CPXM2: variants seen among roughly 807,000 people sequenced by gnomAD.
The protein encoded by CPXM2 is carboxypeptidase X, M14 family member 2, also known as inactive carboxypeptidase-like protein X2.
Under a neutral mutation model 86.1 loss-of-function variants are expected in CPXM2, and 66 were observed. That is an observed-to-expected ratio of 0.77 (90% CI 0.63 to 0.94). The LOEUF (loss-of-function observed/expected upper bound fraction) is 0.94, where lower values mean the gene tolerates loss of function less well. Ranked by LOEUF, CPXM2 falls within the 40% of genes least tolerant of loss-of-function variation. The pLI is 0.00. For synonymous variants in CPXM2, 388 were observed against 400.2 expected (o/e 0.97, Z 0.36); for missense variants, 948 against 1,026.3 (o/e 0.92, Z 1.04).
intron 7 of CPXM2, among the ~76,000 whole-genome samples, chr10:123,773,582 A>T (rs1846708789): frequency 6.6e-6 from 1 of 152,164 alleles, no homozygotes; most frequent in Non-Finnish European, 1.5e-5. Flanking sequence ...TCATAATTTA[A>T]TGAGCATCTA....
chr10:123,799,950 T>C (rs1054826364), intron 4 of CPXM2, among the ~76,000 whole-genome samples: 5 of 151,934 alleles, frequency 3.3e-5, no homozygotes, highest in African/African-American at 1.2e-4. Context: ...TTGAACAATA[T>C]AGGAAAGTCT....
At chr10:123,852,307 G>C (rs1413763463) in intron 3 of CPXM2, among the ~76,000 whole-genome samples, 2 of 151,988 alleles carry the variant, frequency 1.3e-5, no homozygotes, top group Non-Finnish European at 1.5e-5. Flanking sequence ...AGGTTAAAAA[G>C]CATGCCCGAC....
intron 4 of CPXM2, among the ~76,000 whole-genome samples, chr10:123,834,386 A>G (rs1202199550): frequency 6.6e-6 from 1 of 152,228 alleles, no homozygotes; most frequent in Non-Finnish European, 1.5e-5. Flanking sequence ...GCTCCCCAGG[A>G]GCAACGTCAG....
At chr10:123,794,532 C>T (rs1847282017) in intron 6 of CPXM2, among the ~76,000 whole-genome samples, 6 of 152,150 alleles carry the variant, frequency 3.9e-5, no homozygotes, top group Admixed American at 2.6e-4. Context: ...AAGGCCATGA[C>T]CATCTGGCCA....
chr10:123,893,044 G>GTATA (rs1364873839), upstream of CPXM2, among the ~76,000 whole-genome samples: 1 of 152,230 alleles, frequency 6.6e-6, no homozygotes, highest in African/African-American at 2.4e-5. Flanking sequence ...AAAAAATTCA[G>GTATA]TATAGTCATC....
At chr10:123,857,785 C>G (rs149594836) in intron 3 of CPXM2, among the ~76,000 whole-genome samples, 112 of 152,342 alleles carry the variant, frequency 7.4e-4, no homozygotes, top group Non-Finnish European at 1.3e-3. Context: ...CAGGGCACCA[C>G]GCACGGGACT....
intron 4 of CPXM2, among the ~76,000 whole-genome samples, chr10:123,805,895 C>T (rs1278682527): frequency 6.6e-6 from 1 of 152,206 alleles, no homozygotes; most frequent in African/African-American, 2.4e-5. Context: ...ATAATTTCTA[C>T]TACTTCCATG....
intron 3 of CPXM2, 136 bp downstream of exon 3, chr10:123,862,478 C>T (rs1318153666): frequency 1.3e-6 from 1 of 759,888 alleles, no homozygotes; most frequent in Non-Finnish European, 2.2e-6. Context: ...AAATTAGGAT[C>T]ATTCAGCAAT....
chr10:123,848,354 C>T (rs549399079), intron 3 of CPXM2, among the ~76,000 whole-genome samples: 74 of 152,304 alleles, frequency 4.9e-4, no homozygotes, highest in African/African-American at 1.7e-3. Flanking sequence ...CCTTAATCAT[C>T]GGTAAAGTAG....
At chr10:123,779,068 G>A (rs1846873319) in intron 7 of CPXM2, among the ~76,000 whole-genome samples, 1 of 152,214 alleles carries the variant, frequency 6.6e-6, no homozygotes, top group South Asian at 2.1e-4. Context: ...CATTTGTAGT[G>A]GATGGCTGCT....
intron 2 of CPXM2, among the ~76,000 whole-genome samples, chr10:123,863,732 C>G (rs1848911575): frequency 6.6e-6 from 1 of 152,206 alleles, no homozygotes; most frequent in Non-Finnish European, 1.5e-5. Flanking sequence ...TCCCAGAAGC[C>G]CCACCCTGCC....
At chr10:123,820,659 G>A (rs2134111398) in intron 4 of CPXM2, among the ~76,000 whole-genome samples, 2 of 152,308 alleles carry the variant, frequency 1.3e-5, no homozygotes, top group Middle Eastern at 6.8e-3. Flanking sequence ...AGCATGGCTG[G>A]TTCCTTTCTG....
chr10:123,758,194 T>C (rs1846258155), intron 11 of CPXM2, among the ~76,000 whole-genome samples: 1 of 152,216 alleles, frequency 6.6e-6, no homozygotes, highest in African/African-American at 2.4e-5. Flanking sequence ...CTAGGGCCGC[T>C]GTTATAATAC....
At chr10:123,777,093 C>G (rs142436744) in intron 7 of CPXM2, 63 of 152,374 alleles carry the variant, frequency 4.1e-4, no homozygotes, top group African/African-American at 1.4e-3. Flanking sequence ...CTGCTCCGCC[C>G]TGGCTTCCTG....
At chr10:123,870,923 G>A (rs1482990865) in intron 2 of CPXM2, among the ~76,000 whole-genome samples, 1 of 152,202 alleles carries the variant, frequency 6.6e-6, no homozygotes, top group Non-Finnish European at 1.5e-5. Flanking sequence ...GAGAGTCCCT[G>A]CAAACCTGGC....
intron 2 of CPXM2, among the ~76,000 whole-genome samples, chr10:123,869,636 G>C (rs910552500): frequency 2.0e-5 from 3 of 152,108 alleles, no homozygotes; most frequent in African/African-American, 7.2e-5. Flanking sequence ...TCTATTCCTC[G>C]GGAGGCGAGC....
intron 3 of CPXM2, among the ~76,000 whole-genome samples, chr10:123,854,369 T>A (rs1426199246): frequency 1.2e-5 from 1 of 83,408 alleles, no homozygotes; most frequent in Admixed American, 1.3e-4. Flanking sequence ...AAAATATATA[T>A]ATATAATATA....
rs578226958 is a variant in CPXM2, at chr10:123,807,546, T to C, written c.654-8347A>G. On this transcript the variant is annotated intron_variant, in intron 4 of 13. Coordinates refer to ENST00000241305, the MANE Select transcript of CPXM2 (RefSeq NM_198148.3). ...ACAACATTCCTTTACTCAAGGTTTT[T>C]ACAGGTTGATGATGAAGACAAGGAA... Among the ~76,000 whole-genome samples, 25 of 152,314 alleles carry C rather than the reference T, an allele frequency of 1.6e-4. 1 individual carries two copies. Among genetic ancestry groups the C allele is most frequent in the African/African-American group, 6.0e-4 (25 of 41,570 alleles).
chr10:123,879,943 C>A (rs576306951), intron 2 of CPXM2, among the ~76,000 whole-genome samples: 1 of 152,290 alleles, frequency 6.6e-6, no homozygotes, highest in African/African-American at 2.4e-5. Context: ...GGAAAGCAAC[C>A]AAGAGCTCCA....
Sources: gnomAD v4.1 joint callset for allele counts (sites outside exome capture counted in the v4.1 genomes callset) on GRCh38, gnomAD v4.1.1 for gene constraint, MANE v1.5 for transcripts, NCBI Gene and HGNC (gene_info 2026-07-23, HGNC 2026-07-21) for gene names.